Variants in PKHD1 observed in about 807,000 individuals in gnomAD.
The protein encoded by PKHD1 is fibrocystin.
A neutral mutation model predicts 412.0 loss-of-function variants in PKHD1; 291 were observed. That is an observed-to-expected ratio of 0.71 (90% CI 0.64 to 0.78). The LOEUF (loss-of-function observed/expected upper bound fraction) is 0.78. Ranked by LOEUF, PKHD1 falls within the 30% of genes least tolerant of loss-of-function variation. PKHD1 has a pLI of 0.00. For synonymous variants in PKHD1, 1,777 were observed against 1,821.5 expected (o/e 0.98, Z 0.62); for missense variants, 4,825 against 4,950.7 (o/e 0.97, Z 0.76).
At chr6:51,722,463 A>G (rs1281635624) in intron 60 of PKHD1, among the ~76,000 whole-genome samples, 3 of 152,200 alleles carry the variant, frequency 2.0e-5, no homozygotes, top group African/African-American at 7.2e-5. Flanking sequence ...CACTTGATAT[A>G]AAAAAGCAAA....
At chr6:52,061,341 C>T (rs1164953689) in intron 14 of PKHD1, among the ~76,000 whole-genome samples, 1 of 152,082 alleles carries the variant, frequency 6.6e-6, no homozygotes, top group Non-Finnish European at 1.5e-5. Flanking sequence ...CACCATCACA[C>T]CTGGCTAATT....
chr6:52,013,292 C>T (rs1400203090), intron 34 of PKHD1, among the ~76,000 whole-genome samples: 1 of 152,184 alleles, frequency 6.6e-6, no homozygotes, highest in Non-Finnish European at 1.5e-5. Context: ...ACTGTTTTCA[C>T]TAAGCATGTT....
chr6:51,706,788 C>T (rs910504771), intron 60 of PKHD1, among the ~76,000 whole-genome samples: 5 of 152,208 alleles, frequency 3.3e-5, no homozygotes, highest in East Asian at 3.9e-4. Flanking sequence ...GGAAAGCCGA[C>T]GAAGTACCAT....
intron 52 of PKHD1, among the ~76,000 whole-genome samples, chr6:51,811,887 T>C (rs4715243): frequency 0.78 from 118,660 of 152,124 alleles, 46,558 homozygotes; most frequent in East Asian, 0.97. Context: ...ATATTTTGCT[T>C]TGTATATTTT....
intron 45 of PKHD1, among the ~76,000 whole-genome samples, chr6:51,884,049 T>C (rs886647261): frequency 6.6e-6 from 1 of 152,216 alleles, no homozygotes; most frequent in Non-Finnish European, 1.5e-5. Context: ...CCAAATTTTA[T>C]TATTCTGTTA....
At chr6:51,741,213 G>A (rs966984235) in intron 60 of PKHD1, 12 of 518,516 alleles carry the variant, frequency 2.3e-5, no homozygotes, top group Admixed American at 2.1e-4. Flanking sequence ...ACACTCTTAT[G>A]ATTAAACATG....
intron 52 of PKHD1, among the ~76,000 whole-genome samples, chr6:51,816,038 A>G (rs1374321519): frequency 1.3e-5 from 2 of 152,202 alleles, no homozygotes; most frequent in African/African-American, 4.8e-5. Flanking sequence ...TTAAAACTCA[A>G]GTAAGTGCCA....
At chr6:51,682,338 G>T (rs890622177) in intron 60 of PKHD1, 2 of 416,884 alleles carry the variant, frequency 4.8e-6, no homozygotes, top group African/African-American at 4.1e-5. Flanking sequence ...TAATACCTGA[G>T]CATCAGTATT....
chr6:51,799,803 T>C (rs1288629867), intron 52 of PKHD1, among the ~76,000 whole-genome samples: 1 of 152,180 alleles, frequency 6.6e-6, no homozygotes, highest in Non-Finnish European at 1.5e-5. Flanking sequence ...TTAACATCCT[T>C]TCCATAAAAT....
intron 35 of PKHD1, among the ~76,000 whole-genome samples, chr6:51,988,012 A>G (rs937525868): frequency 1.3e-5 from 2 of 152,236 alleles, no homozygotes; most frequent in Admixed American, 6.5e-5. Context: ...AGGCTAACTC[A>G]GTGCCTGACA....
At chr6:51,885,790 T>A in intron 45 of PKHD1, 77 bp downstream of exon 45, 3 of 925,016 alleles carry the variant, frequency 3.2e-6, no homozygotes, top group Non-Finnish European at 5.2e-6. Context: ...ATATGCATAA[T>A]GAATTGCTGT....
In PKHD1 at chr6:52,056,920, C is replaced by A. The variant is rs779584462; in HGVS notation, c.1572G>T (p.Gln524His). Reference protein sequence around the residue: ...FFLTWDNVSSQPIPANATAHL... With the variant: ...FFLTWDNVSSHPIPANATAHL... ...GGGCTGTGGCATTTGCAGGGATTGG[C>A]TGACTAGAGACATTGTCCCAAGTAA... Residue 524 changes from glutamine (Q) to histidine (H), a missense_variant, in exon 17 of 67, where the codon CAG becomes CAT. Gln to His is a conservative substitution (Grantham distance 24). Coordinates refer to ENST00000371117, the MANE Select transcript of PKHD1 (RefSeq NM_138694.4). The A allele has an allele frequency of 1.2e-6, 2 of 1,613,872 alleles. No individual in the cohort carries two copies. Among genetic ancestry groups the A allele is most frequent in the Non-Finnish European group, 1.7e-6 (2 of 1,179,806 alleles).
intron 60 of PKHD1, among the ~76,000 whole-genome samples, chr6:51,669,193 G>C: frequency 6.6e-6 from 1 of 152,038 alleles, no homozygotes; most frequent in Non-Finnish European, 1.5e-5. Flanking sequence ...TTTTTGGTTG[G>C]TAAGCTATTG....
chr6:51,635,617 G>A (rs370053580), intron 64 of PKHD1, among the ~76,000 whole-genome samples: 1 of 152,060 alleles, frequency 6.6e-6, no homozygotes, highest in African/African-American at 2.4e-5. Context: ...ATAAAGCCAG[G>A]GAGTGATAAG....
chr6:51,770,285 A>G (rs11752043), intron 55 of PKHD1, among the ~76,000 whole-genome samples: 18,087 of 151,788 alleles, frequency 0.12, 1,125 homozygotes, highest in East Asian at 0.14. Context: ...GTGTTTTGCT[A>G]TGATTGAAGG....
chr6:51,859,863 T>C (rs1583073048), intron 48 of PKHD1, among the ~76,000 whole-genome samples: 1 of 152,228 alleles, frequency 6.6e-6, no homozygotes, highest in East Asian at 1.9e-4. Flanking sequence ...GTTCTATTTG[T>C]CTTTGGAAAC....
chr6:51,717,149 C>T (rs1168955725), intron 60 of PKHD1, among the ~76,000 whole-genome samples: 2 of 152,320 alleles, frequency 1.3e-5, no homozygotes, highest in African/African-American at 2.4e-5. Flanking sequence ...CAATGGCTCA[C>T]GCCTGTAATC....
chr6:51,729,021 G>GTA (rs1782926020), intron 60 of PKHD1, among the ~76,000 whole-genome samples: 1 of 152,222 alleles, frequency 6.6e-6, no homozygotes, highest in Middle Eastern at 3.2e-3. Flanking sequence ...CAGAAAGACA[G>GTA]TATATAGCCT....
chr6:52,084,887 A>G lies in PKHD1; in HGVS notation c.47T>C (p.Leu16Ser). 1 of 1,599,722 alleles carries G rather than the reference A, an allele frequency of 6.3e-7. No homozygotes were observed. The highest frequency in any genetic ancestry group is 8.6e-7 in the Non-Finnish European group (1 of 1,167,018). ...ISLMSIEVLL[L>S]AVRHLSLHIE... is the part of the protein sequence containing the mutation. ...TCAAAACACATTCTACTGACCTGCC[A>G]AAAGTAGTACTTCAATACTCATCAG... Residue 16 changes from leucine (L) to serine (S), a missense_variant, in exon 2 of 67, where the codon TTG becomes TCG. Leu to Ser is a moderately radical substitution (Grantham distance 145). Coordinates refer to ENST00000371117, the MANE Select transcript of PKHD1 (RefSeq NM_138694.4).
Sources: gnomAD v4.1 joint callset for allele counts (sites outside exome capture counted in the v4.1 genomes callset) on GRCh38, gnomAD v4.1.1 for gene constraint, MANE v1.5 for transcripts, NCBI Gene and HGNC (gene_info 2026-07-23, HGNC 2026-07-21) for gene names.